CDH18: variants seen among roughly 807,000 people sequenced by gnomAD.
CDH18 encodes the protein cadherin 18, also known as cadherin-18.
In CDH18, 31 loss-of-function variants were observed where a neutral mutation model predicts 67.9. That is an observed-to-expected ratio of 0.46 (90% CI 0.34 to 0.62). The LOEUF (loss-of-function observed/expected upper bound fraction) is 0.62. Ranked by LOEUF, CDH18 falls within the 20% of genes least tolerant of loss-of-function variation. The pLI is 0.01. For missense variants in CDH18, 890 were observed against 975.5 expected (o/e 0.91, Z 1.17); for synonymous variants, 362 against 347.2 (o/e 1.04, Z -0.48).
chr5:19,541,745 A>G (rs1750318275), intron 9 of CDH18, among the ~76,000 whole-genome samples: 1 of 152,128 alleles, frequency 6.6e-6, no homozygotes, highest in African/African-American at 2.4e-5. Flanking sequence ...TCATGATTCA[A>G]TTACCTCCCA....
At chr5:20,365,972 TG>T (rs1209447255) in intron 1 of CDH18, among the ~76,000 whole-genome samples, 1 of 152,206 alleles carries the variant, frequency 6.6e-6, no homozygotes. Flanking sequence ...TTGCTTAATA[TG>T]GTCTCTGAAG....
intron 1 of CDH18, among the ~76,000 whole-genome samples, chr5:20,561,364 C>A (rs763578098): frequency 3.3e-5 from 5 of 151,988 alleles, no homozygotes; most frequent in Non-Finnish European, 5.9e-5. Context: ...AGATATCCTT[C>A]AATAATTGAG....
intron 3 of CDH18, among the ~76,000 whole-genome samples, chr5:19,755,917 T>A (rs1007900073): frequency 6.6e-6 from 1 of 152,046 alleles, no homozygotes; most frequent in Non-Finnish European, 1.5e-5. Context: ...AGCCTACTGA[T>A]TCAAAGGTTA....
At chr5:19,594,138 T>A (rs971868481) in intron 6 of CDH18, among the ~76,000 whole-genome samples, 5 of 152,152 alleles carry the variant, frequency 3.3e-5, no homozygotes, top group Admixed American at 1.3e-4. Context: ...GAGTTTTCAA[T>A]GCATTTTTTT....
In CDH18 at chr5:19,573,430, C is replaced by T. The variant is rs191385244; in HGVS notation, c.1000-1598G>A. The stretch of plus-strand genomic sequence containing the variant: ...AGTAGCTGGAACTACAGGCGCCTGC[C>T]GCCACGCCCGGCTAATTTTTTGTAT... On this transcript the variant is annotated intron_variant, in intron 7 of 12. Transcript: ENST00000382275. Among the ~76,000 whole-genome samples, 205 of 152,180 alleles carry T rather than the reference C, an allele frequency of 1.3e-3. 4 individuals carry two copies. In the East Asian group the frequency reaches 0.034, roughly 25 times the overall value.
intron 2 of CDH18, among the ~76,000 whole-genome samples, chr5:20,018,794 G>A (rs1738120129): frequency 1.5e-5 from 2 of 137,878 alleles, no homozygotes; most frequent in Non-Finnish European, 3.2e-5. Context: ...TGAGAATAAG[G>A]CATTCTTTTT....
chr5:19,914,944 C>T (rs1791587167), intron 2 of CDH18, among the ~76,000 whole-genome samples: 1 of 152,048 alleles, frequency 6.6e-6, no homozygotes, highest in African/African-American at 2.4e-5. Context: ...TTTCCAACTA[C>T]TAACCTTAAT....
At chr5:19,834,381 T>C (rs1781386239) in intron 3 of CDH18, among the ~76,000 whole-genome samples, 1 of 152,090 alleles carries the variant, frequency 6.6e-6, no homozygotes, top group Admixed American at 6.6e-5. Context: ...ATCTCCTTTA[T>C]CATTTTTTAT....
intron 2 of CDH18, among the ~76,000 whole-genome samples, chr5:19,931,326 A>AT (rs1793670500): frequency 6.6e-6 from 1 of 151,860 alleles, no homozygotes; most frequent in Non-Finnish European, 1.5e-5. Flanking sequence ...TCTACAGCTA[A>AT]TTTTTTTCTG....
In CDH18 at chr5:20,403,948, C is replaced by T. The variant is rs148862945; in HGVS notation, c.-579-148443G>A. ...ATTGATAATCTGTTGTTTTGTGTAA[C>T]CATTTTCATCAAAGATCTTAGCTGA... On this transcript the variant is annotated intron_variant, in intron 1 of 14. Transcript: ENST00000507958. 1.5e-3 allele frequency among the ~76,000 whole-genome samples: 234 copies of T among 152,288 alleles called. 2 individuals are homozygous for T. Among genetic ancestry groups the T allele is most frequent in the Non-Finnish European group, 9.3e-4 (63 of 68,020 alleles).
At chr5:19,541,688 C>A (rs1186624320) in intron 9 of CDH18, among the ~76,000 whole-genome samples, 3 of 152,104 alleles carry the variant, frequency 2.0e-5, no homozygotes, top group African/African-American at 7.2e-5. Context: ...ATCAGATCTC[C>A]TGAGACTTAT....
At chr5:19,914,789 T>C (rs1004545690) in intron 2 of CDH18, among the ~76,000 whole-genome samples, 2 of 151,924 alleles carry the variant, frequency 1.3e-5, no homozygotes, top group Admixed American at 1.3e-4. Context: ...AAATGAAACA[T>C]CAAGTCAATA....
At chr5:19,944,558 T>C (rs1795118806) in intron 2 of CDH18, among the ~76,000 whole-genome samples, 1 of 152,156 alleles carries the variant, frequency 6.6e-6, no homozygotes, top group African/African-American at 2.4e-5. Flanking sequence ...TTTATGATAG[T>C]AGTTTCTGTT....
intron 2 of CDH18, among the ~76,000 whole-genome samples, chr5:19,898,474 T>C (rs1228381725): frequency 6.6e-5 from 10 of 152,024 alleles, no homozygotes; most frequent in South Asian, 2.1e-4. Flanking sequence ...TGAATACATT[T>C]AGAGAGATTC....
chr5:19,839,168 C>A lies in CDH18; in HGVS notation c.-182G>T. On this transcript the variant is annotated 5_prime_UTR_variant, in exon 3 of 13. Coordinates refer to ENST00000382275, the MANE Select transcript of CDH18 (RefSeq NM_004934.5). ...GTCAGATCATATTTACATTCTGAAC[C>A]ACTTGGAAAATCAAAGCCGTAGTTG... 1.8e-6 allele frequency: 1 copy of A among 559,352 alleles called. No individual in the cohort carries two copies. The highest frequency in any genetic ancestry group is 2.4e-5 in the South Asian group (1 of 40,940). The allele number at this position is 559,352 out of a possible 1,614,324, so 34.6% of individuals were successfully genotyped here.
intron 2 of CDH18, among the ~76,000 whole-genome samples, chr5:19,935,517 T>C (rs1794143474): frequency 6.6e-6 from 1 of 151,262 alleles, no homozygotes; most frequent in South Asian, 2.1e-4. Context: ...AGGAACATGC[T>C]GTACATGTCT....
chr5:19,841,104 T>A (rs533509203), intron 2 of CDH18, among the ~76,000 whole-genome samples: 1 of 152,300 alleles, frequency 6.6e-6, no homozygotes, highest in Admixed American at 6.5e-5. Flanking sequence ...TCTCTGAGTA[T>A]TTCGCTCCTT....
intron 10 of CDH18, among the ~76,000 whole-genome samples, chr5:19,515,496 A>G (rs1306524607): frequency 6.6e-6 from 1 of 152,114 alleles, no homozygotes; most frequent in East Asian, 1.9e-4. Flanking sequence ...ATGTTCTTCT[A>G]TTTGTTTGTA....
intron 2 of CDH18, among the ~76,000 whole-genome samples, chr5:20,201,944 A>G (rs1176024238): frequency 6.6e-6 from 1 of 152,204 alleles, no homozygotes; most frequent in Non-Finnish European, 1.5e-5. Context: ...TGACATGAGA[A>G]AAATTTGAAA....
Sources: gnomAD v4.1 joint callset for allele counts (sites outside exome capture counted in the v4.1 genomes callset) on GRCh38, gnomAD v4.1.1 for gene constraint, MANE v1.5 for transcripts, NCBI Gene and HGNC (gene_info 2026-07-23, HGNC 2026-07-21) for gene names.